CSMD2: variants seen among roughly 807,000 people sequenced by gnomAD.
CSMD2 encodes CUB and sushi domain-containing protein 2.
In CSMD2, 130 loss-of-function variants were observed where a neutral mutation model predicts 398.5. The observed-to-expected ratio is 0.33, with a 90% CI of 0.28 to 0.38. The LOEUF (loss-of-function observed/expected upper bound fraction) is 0.38. CSMD2 is among the 10% of genes least tolerant of loss of function. CSMD2 has a pLI of 1.00. For missense variants in CSMD2, 3,829 were observed against 4,764.9 expected (o/e 0.80, Z 5.78); for synonymous variants, 1,828 against 1,908.5 (o/e 0.96, Z 1.10).
intron 5 of CSMD2, among the ~76,000 whole-genome samples, chr1:33,906,317 A>G (rs1643084813): frequency 6.6e-6 from 1 of 152,240 alleles, no homozygotes; most frequent in East Asian, 1.9e-4. Flanking sequence ...TCTGTAGACA[A>G]CAGAAGATGA....
intron 1 of CSMD2, among the ~76,000 whole-genome samples, chr1:34,143,237 C>T (rs1046322510): frequency 6.6e-6 from 1 of 152,132 alleles, no homozygotes; most frequent in African/African-American, 2.4e-5. Flanking sequence ...TGGCACCTCA[C>T]GGGTCCCAGT....
intron 44 of CSMD2, 81 bp downstream of exon 44, chr1:33,600,784 G>A (rs535168740): frequency 3.2e-5 from 47 of 1,456,158 alleles, no homozygotes; most frequent in South Asian, 2.7e-4. Context: ...CACATGATCC[G>A]CAAATGGTGG....
At chr1:34,077,383 G>A (rs1167080395) in intron 2 of CSMD2, among the ~76,000 whole-genome samples, 1 of 146,580 alleles carries the variant, frequency 6.8e-6, no homozygotes, top group Admixed American at 6.8e-5. Flanking sequence ...CGTGAACCTG[G>A]GAGGCGGAGC....
At chr1:33,851,251 T>C (rs1372157219) in intron 5 of CSMD2, among the ~76,000 whole-genome samples, 4 of 152,178 alleles carry the variant, frequency 2.6e-5, no homozygotes, top group African/African-American at 9.7e-5. Context: ...ATGTACACGA[T>C]TCAGCTGCAA....
intron 1 of CSMD2, among the ~76,000 whole-genome samples, chr1:34,101,107 C>T (rs1441839842): frequency 2.0e-5 from 3 of 152,248 alleles, no homozygotes; most frequent in African/African-American, 7.2e-5. Flanking sequence ...CTTTCATGCC[C>T]ATGAAACGTT....
intron 22 of CSMD2, among the ~76,000 whole-genome samples, chr1:33,707,717 A>G (rs1285540386): frequency 3.3e-5 from 5 of 149,388 alleles, no homozygotes; most frequent in Non-Finnish European, 5.9e-5. Context: ...ACACACACAC[A>G]CACACACACA....
At chr1:33,798,355 T>A (rs1337353710) in intron 10 of CSMD2, among the ~76,000 whole-genome samples, 1 of 152,250 alleles carries the variant, frequency 6.6e-6, no homozygotes, top group Non-Finnish European at 1.5e-5. Flanking sequence ...CAGAGCTAGC[T>A]GCTTCCCATA....
chr1:33,879,971 C>G (rs572782089), intron 5 of CSMD2, among the ~76,000 whole-genome samples: 184 of 152,182 alleles, frequency 1.2e-3, no homozygotes, highest in African/African-American at 4.3e-3. Flanking sequence ...GTAAACATTA[C>G]CTTATTTAAT....
At chr1:33,817,583 G>A (rs183366896) in intron 9 of CSMD2, among the ~76,000 whole-genome samples, 94 of 152,318 alleles carry the variant, frequency 6.2e-4, no homozygotes, top group Non-Finnish European at 1.1e-3. Flanking sequence ...GCAGCAACTA[G>A]AGGCTGAGGT....
intron 3 of CSMD2, among the ~76,000 whole-genome samples, chr1:33,939,648 A>T (rs1056687930): frequency 6.6e-6 from 1 of 152,242 alleles, no homozygotes; most frequent in Non-Finnish European, 1.5e-5. Context: ...TTCTTCTTAA[A>T]AAGTCACTCT....
chr1:34,165,704 A>C (rs754667517), upstream of CSMD2: 4 of 1,591,884 alleles, frequency 2.5e-6, no homozygotes, highest in Non-Finnish European at 3.4e-6. Context: ...GTCTGGGAAA[A>C]GGTAACCAAA....
At chr1:34,117,706 G>A in intron 1 of CSMD2, among the ~76,000 whole-genome samples, 1 of 151,494 alleles carries the variant, frequency 6.6e-6, no homozygotes. Context: ...GATGAATACA[G>A]GTGCAAAAAT....
intron 27 of CSMD2, among the ~76,000 whole-genome samples, chr1:33,653,796 C>T (rs1340848834): frequency 6.6e-6 from 1 of 152,142 alleles, no homozygotes; most frequent in South Asian, 2.1e-4. Flanking sequence ...CTGGAAACCA[C>T]AGGGCACCAT....
At chr1:33,783,431 T>TC (rs1653056945) in intron 12 of CSMD2, among the ~76,000 whole-genome samples, 2 of 135,150 alleles carry the variant, frequency 1.5e-5, no homozygotes, top group Admixed American at 7.3e-5. Context: ...CATTCTCTCA[T>TC]TCTCTCTCTC....
chr1:34,165,202 C>T lies in CSMD2; in HGVS notation c.-105G>A. The T allele has an allele frequency of 8.6e-7, 1 of 1,163,244 alleles. No homozygotes were observed. The highest frequency in any genetic ancestry group is 1.1e-6 in the Non-Finnish European group (1 of 944,264). 72.1% of individuals were successfully genotyped at this position (1,163,244 alleles called of 1,614,324 possible). A position where few individuals can be genotyped will look rare whatever the true frequency, so the allele number is the denominator to read the frequency against. ...TCTGCTCGGAAAAAATCCCGGTACG[C>T]GGGAGCCCTGAGCTTCTGCGGCTGG... On this transcript the variant is annotated 5_prime_UTR_variant, in exon 1 of 71. Transcript: ENST00000373381.
intron 12 of CSMD2, among the ~76,000 whole-genome samples, chr1:33,781,363 C>T (rs1652744463): frequency 6.6e-6 from 1 of 152,234 alleles, no homozygotes; most frequent in Admixed American, 6.5e-5. Flanking sequence ...ATTTCCCTGT[C>T]TTCTAGCACT....
Position 33,716,432 on chromosome 1 carries a change from C to G in CSMD2, c.3071G>C (p.Gly1024Ala). ...GHDYLLITEN[G>A]SFTQPLRQLT... ...CTGCCTCAGGGGCTGGGTGAAGCTG[C>G]CGTTCTCAGTGATGAGGAGGTAGTC... is the stretch of plus-strand genomic sequence containing the variant. The change falls in exon 20 of 71, where the codon GGC becomes GCC. Residue 1024 changes from glycine to alanine, a missense_variant. Around this residue, in one of 5 missense-constraint regions of CSMD2, gnomAD observed 2,001 missense variants for 2,567.1 expected, o/e 0.78. Coordinates refer to ENST00000373381, the MANE Select transcript of CSMD2 (RefSeq NM_001281956.2). 2 of 1,613,980 alleles carry G rather than the reference C, an allele frequency of 1.2e-6. No individual in the cohort carries two copies. The highest frequency in any genetic ancestry group is 1.7e-6 in the Non-Finnish European group (2 of 1,180,012).
chr1:33,847,882 A>G (rs1638391722), intron 5 of CSMD2, among the ~76,000 whole-genome samples: 1 of 152,158 alleles, frequency 6.6e-6, no homozygotes, highest in South Asian at 2.1e-4. Flanking sequence ...ACAAAAGAAG[A>G]TCTCAGCACA....
chr1:33,690,460 C>T (rs193213506), intron 25 of CSMD2, among the ~76,000 whole-genome samples: 12 of 152,320 alleles, frequency 7.9e-5, no homozygotes, highest in Admixed American at 3.9e-4. Context: ...CAGACATGTG[C>T]GTCTGCTCTT....
Sources: gnomAD v4.1 joint callset for allele counts (sites outside exome capture counted in the v4.1 genomes callset) on GRCh38, gnomAD v4.1.1 for gene constraint, gnomAD v4.1.1 regional missense constraint, MANE v1.5 for transcripts, NCBI Gene and HGNC (gene_info 2026-07-23, HGNC 2026-07-21) for gene names.